The following CT45A1 variants were observed in gnomAD, a reference collection of about 807,000 sequenced individuals.
CT45A1 encodes the protein cancer/testis antigen 45-1.
intron 1 of CT45A1, among the ~76,000 whole-genome samples, chrX:135,715,903 C>T (rs1227373626): frequency 2.9e-5 from 3 of 103,652 alleles, no homozygotes; most frequent in Non-Finnish European, 5.9e-5. Flanking sequence ...TCCCTGTGTC[C>T]ATGTGTTCTC....
the CT45A1 span, among the ~76,000 whole-genome samples, chrX:135,708,435 T>C: frequency 9.1e-6 from 1 of 110,364 alleles, no homozygotes. Context: ...TCTGGATGCT[T>C]TAATATCGCC....
chrX:135,717,758 A>G (rs1356482770), intron 1 of CT45A1, among the ~76,000 whole-genome samples: 10 of 111,770 alleles, frequency 8.9e-5, no homozygotes, highest in African/African-American at 2.9e-4. Context: ...TATTAATTAT[A>G]CAGAAATGCC....
At chrX:135,712,996 C>CCTTCCTTCCTTCCTCTCTCT (rs1156263810), upstream of CT45A1, among the ~76,000 whole-genome samples, 27 of 57,602 alleles carry the variant, frequency 4.7e-4, no homozygotes, top group African/African-American at 1.6e-3. Context: ...TTCCTTCCTT[C>CCTTCCTTCCTTCCTCTCTCT]CTCTCTCTCT....
Position 135,715,211 on chromosome X carries a change from T to TAA in CT45A1, c.-7+1522_-7+1523dup, listed in dbSNP as rs1470332931. Among the ~76,000 whole-genome samples, 3 of 90,680 alleles carry TAA rather than the reference T, an allele frequency of 3.3e-5. No homozygotes were observed. In the East Asian group the frequency reaches 9.7e-4, roughly 29 times the overall value. 78.7% of individuals were successfully genotyped at this position (90,680 alleles called of 115,157 possible). A position where few individuals can be genotyped will look rare whatever the true frequency, so the allele number is the denominator to read the frequency against. On this transcript the variant is annotated intron_variant, in intron 1 of 4. Transcript: ENST00000594565. ...CAATGCCATTACTATTATATATATATAATACTTATATATATATAATACTTA... is the reference window on the plus strand; with the variant it reads ...CAATGCCATTACTATTATATATATATAAAATACTTATATATATATAATACTTA...
At chrX:135,715,233 C>T (rs868995233) in intron 1 of CT45A1, among the ~76,000 whole-genome samples, 1,306 of 79,499 alleles carry the variant, frequency 0.016, 40 homozygotes, top group Non-Finnish European at 0.026. Context: ...ATATATAATA[C>T]TTATATATAT....
upstream of CT45A1, among the ~76,000 whole-genome samples, chrX:135,712,965 C>CTTTCTTTCTTTCT (rs1556570095): frequency 3.1e-5 from 2 of 65,413 alleles, no homozygotes; most frequent in Non-Finnish European, 5.9e-5. Flanking sequence ...TTCTTTCTTT[C>CTTTCTTTCTTTCT]TTTCTTTCTT....
At chrX:135,711,806 C>T (rs189892870), upstream of CT45A1, among the ~76,000 whole-genome samples, 36 of 111,736 alleles carry the variant, frequency 3.2e-4, 1 homozygote, top group Non-Finnish European at 5.3e-4. Flanking sequence ...ATGGGCGGGG[C>T]GTGGTGGCTC....
chrX:135,717,743 G>A (rs1285054605), intron 1 of CT45A1, among the ~76,000 whole-genome samples: 1 of 110,833 alleles, frequency 9.0e-6, no homozygotes, highest in Admixed American at 9.7e-5. Flanking sequence ...CTAATTATTT[G>A]TTGCTATTAA....
At chrX:135,713,259 G>A (rs188063012), upstream of CT45A1, among the ~76,000 whole-genome samples, 1 of 104,110 alleles carries the variant, frequency 9.6e-6, no homozygotes, top group Admixed American at 1.1e-4. Flanking sequence ...TAGAGCCGGG[G>A]TCTCACTATG....
rs1350855071 is a variant in CT45A1, at chrX:135,713,706, CTG to C, written c.-7+19_-7+20del. 1.3e-6 allele frequency: 1 copy of C among 742,075 alleles called. No homozygotes were observed. Among genetic ancestry groups the C allele is most frequent in the Non-Finnish European group, 1.6e-6 (1 of 629,994 alleles). The allele number at this position is 742,075 out of a possible 1,213,427, so 61.2% of individuals were successfully genotyped here. On this transcript the variant is annotated intron_variant, in intron 1 of 4. Transcript: ENST00000594565. ...CTCCAGCAAGGTCAGGACTTAAGGACTGTGAGTGGGGCAGTTTTTCCCTGGAT... is the reference window on the plus strand; with the variant it reads ...CTCCAGCAAGGTCAGGACTTAAGGACTGAGTGGGGCAGTTTTTCCCTGGAT...
At chrX:135,715,348 ACT>A (rs2148033566) in intron 1 of CT45A1, among the ~76,000 whole-genome samples, 1 of 34,734 alleles carries the variant, frequency 2.9e-5, no homozygotes, top group African/African-American at 1.1e-4. Flanking sequence ...TATATATAAT[ACT>A]TACATATAAT....
intron 1 of CT45A1, among the ~76,000 whole-genome samples, chrX:135,715,513 A>T (rs1457322408): frequency 1.2e-5 from 1 of 83,374 alleles, no homozygotes; most frequent in Non-Finnish European, 2.1e-5. Flanking sequence ...ACTTATATAT[A>T]TAATACTTAT....
rs183075487 is a variant in CT45A1, at chrX:135,716,321, A to G, written c.-6-2614A>G. On this transcript the variant is annotated intron_variant, in intron 1 of 4. Transcript: ENST00000594565. The stretch of plus-strand genomic sequence containing the variant: ...GATAATATTCTAAGTTTTCTTCTAG[A>G]TCTCCCAATCATCAGAAATAAATTC... 4.8e-4 allele frequency among the ~76,000 whole-genome samples: 54 copies of G among 111,639 alleles called. 1 individual carries two copies. The highest frequency in any genetic ancestry group is 4.4e-3 in the Admixed American group (46 of 10,417).
chrX:135,715,125 T>G (rs1230885689), intron 1 of CT45A1, among the ~76,000 whole-genome samples: 1 of 101,572 alleles, frequency 9.8e-6, no homozygotes, highest in Non-Finnish European at 2.0e-5. Flanking sequence ...TTAATTTTAT[T>G]AGTCAGTGTA....
upstream of CT45A1, among the ~76,000 whole-genome samples, chrX:135,713,086 G>T (rs1449547867): frequency 1.1e-5 from 1 of 92,196 alleles, no homozygotes; most frequent in Non-Finnish European, 2.1e-5. Flanking sequence ...TGGCCAGGCT[G>T]GAGTACGGTG....
upstream of CT45A1, among the ~76,000 whole-genome samples, chrX:135,710,633 C>A (rs373578880): frequency 3.6e-5 from 4 of 112,099 alleles, no homozygotes; most frequent in African/African-American, 1.3e-4. Context: ...CATGCTACTG[C>A]GCATAATCTC....
upstream of CT45A1, chrX:135,713,471 C>T: frequency 2.9e-6 from 1 of 345,269 alleles, no homozygotes; most frequent in Non-Finnish European, 3.5e-6. Context: ...GCTGGGCCAG[C>T]ACACTGTGGC....
upstream of CT45A1, among the ~76,000 whole-genome samples, chrX:135,712,204 T>TTA (rs1320626192): frequency 1.0e-5 from 1 of 97,122 alleles, no homozygotes; most frequent in Non-Finnish European, 2.1e-5. Context: ...TTTTTTTTTT[T>TTA]AGACAGTCTC....
intron 1 of CT45A1, among the ~76,000 whole-genome samples, 193 bp downstream of exon 1, chrX:135,713,883 G>A (rs1556570350): frequency 2.8e-5 from 3 of 108,739 alleles, no homozygotes; most frequent in Admixed American, 9.8e-5. Context: ...GCGGGGGAGC[G>A]TTTTCCTTGG....
Sources: gnomAD v4.1 joint callset for allele counts (sites outside exome capture counted in the v4.1 genomes callset) on GRCh38, gnomAD v4.1.1 for gene constraint, MANE v1.5 for transcripts, NCBI Gene and HGNC (gene_info 2026-07-23, HGNC 2026-07-21) for gene names.